The following UNC13B variants were observed in gnomAD, a reference collection of about 807,000 sequenced individuals.
UNC13B encodes the protein unc-13 homolog B, also known as protein unc-13 homolog B.
Under a neutral mutation model 211.0 loss-of-function variants are expected in UNC13B, and 144 were observed. The observed-to-expected ratio is 0.68, with a 90% CI of 0.60 to 0.78. The LOEUF (loss-of-function observed/expected upper bound fraction) is 0.78, where lower values mean the gene tolerates loss of function less well. UNC13B is among the 30% of genes least tolerant of loss of function. The pLI is 0.00. For synonymous variants in UNC13B, 709 were observed against 725.8 expected (o/e 0.98, Z 0.37); for missense variants, 1,777 against 2,002.0 (o/e 0.89, Z 2.14).
chr9:35,389,852 G>A lies in UNC13B; in HGVS notation c.11101G>A (p.Glu3701Lys). ...LYSRQYQLKQELPPEEQGPSI... is the reference protein window; with the variant it reads ...LYSRQYQLKQKLPPEEQGPSI... ...CTGTGTCCTCTGGATCAAGAAGCAG[G>A]AGCTACCTCCAGAGGAACAAGGGCC... The change falls in exon 25 of 40, where the codon GAG (glutamate) becomes AAG (lysine). Residue 3701 changes from glutamate to lysine, a missense_variant. Coordinates refer to ENST00000635942, the MANE Select transcript of UNC13B (RefSeq NM_001371189.2). 6.2e-7 allele frequency: 1 copy of A among 1,614,068 alleles called. No homozygotes were observed. The highest frequency in any genetic ancestry group is 8.5e-7 in the Non-Finnish European group (1 of 1,179,970).
intron 8 of UNC13B, among the ~76,000 whole-genome samples, chr9:35,296,561 T>G (rs1405304225): frequency 6.6e-6 from 1 of 152,126 alleles, no homozygotes; most frequent in Admixed American, 6.5e-5. Flanking sequence ...TATTTATGAG[T>G]ATAAAAGCAA....
intron 24 of UNC13B, among the ~76,000 whole-genome samples, chr9:35,386,984 G>A (rs1035889176): frequency 6.6e-6 from 1 of 152,188 alleles, no homozygotes; most frequent in Non-Finnish European, 1.5e-5. Flanking sequence ...GTTTCTTGCT[G>A]ACCATACATT....
chr9:35,227,918 C>T (rs2131487746), intron 1 of UNC13B, 97 bp from the exon 2 acceptor site: 5 of 1,010,932 alleles, frequency 4.9e-6, no homozygotes, highest in Non-Finnish European at 7.4e-6. Flanking sequence ...ACAATCTAAA[C>T]CTAGTTCTAA....
intron 1 of UNC13B, among the ~76,000 whole-genome samples, chr9:35,199,112 G>T (rs1158154187): frequency 1.3e-5 from 2 of 152,086 alleles, no homozygotes; most frequent in African/African-American, 4.8e-5. Context: ...CTGTCCTCGG[G>T]ATAGTTTGCT....
At chr9:35,182,338 T>C (rs1317717653) in intron 1 of UNC13B, among the ~76,000 whole-genome samples, 4 of 152,102 alleles carry the variant, frequency 2.6e-5, no homozygotes, top group Non-Finnish European at 5.9e-5. Context: ...GCAGTCTTCC[T>C]CAGTCTTCTG....
chr9:35,327,477 C>T (rs1831082064), intron 11 of UNC13B, among the ~76,000 whole-genome samples: 1 of 152,086 alleles, frequency 6.6e-6, no homozygotes. Flanking sequence ...TGTTCAAGGG[C>T]CGGAGAAGAG....
At chr9:35,186,250 C>A (rs1370775702) in intron 1 of UNC13B, among the ~76,000 whole-genome samples, 1 of 152,162 alleles carries the variant, frequency 6.6e-6, no homozygotes, top group Admixed American at 6.5e-5. Context: ...CTCTCTGAAG[C>A]CTGCTACCTG....
intron 26 of UNC13B, among the ~76,000 whole-genome samples, chr9:35,394,595 C>CA (rs1333409863): frequency 1.3e-5 from 2 of 151,548 alleles, no homozygotes; most frequent in Middle Eastern, 3.2e-3. Flanking sequence ...GACTCCATCT[C>CA]AAAAAAAATA....
intron 1 of UNC13B, among the ~76,000 whole-genome samples, chr9:35,168,473 T>C (rs1380178266): frequency 6.6e-6 from 1 of 152,182 alleles, no homozygotes; most frequent in East Asian, 1.9e-4. Flanking sequence ...TGTGTAATTT[T>C]CTCATTGCTG....
chr9:35,380,665 T>A (rs201330701), intron 18 of UNC13B, 26 bp downstream of exon 18: 1 of 1,613,828 alleles, frequency 6.2e-7, no homozygotes, highest in Non-Finnish European at 8.5e-7. Flanking sequence ...CCGAGAAAGT[T>A]GCTTGGAAGG....
intron 6 of UNC13B, among the ~76,000 whole-genome samples, 155 bp from the exon 7 acceptor site, chr9:35,258,838 A>G (rs997350245): frequency 6.6e-6 from 1 of 152,236 alleles, no homozygotes; most frequent in African/African-American, 2.4e-5. Flanking sequence ...TCAACATCAC[A>G]CAGAGAAAAT....
chr9:35,383,601 G>A (rs1441078922), intron 21 of UNC13B, among the ~76,000 whole-genome samples: 1 of 152,090 alleles, frequency 6.6e-6, no homozygotes, highest in Non-Finnish European at 1.5e-5. Flanking sequence ...GGAGTGGGAT[G>A]CCAACATCCT....
chr9:35,384,449 A>T, intron 22 of UNC13B, 135 bp downstream of exon 22: 1 of 1,435,920 alleles, frequency 7.0e-7, no homozygotes, highest in Non-Finnish European at 9.2e-7. Flanking sequence ...CAAATGGCCA[A>T]TGCTACTGAC....
chr9:35,304,134 CG>C lies in UNC13B; in HGVS notation c.4731del (p.Leu1578TrpfsTer37), dbSNP rs1829816849. 1 of 398,568 alleles carries C rather than the reference CG, an allele frequency of 2.5e-6. No individual in the cohort carries two copies. The allele number at this position is 398,568 out of a possible 1,614,324, so 24.7% of individuals were successfully genotyped here. A position where few individuals can be genotyped will look rare whatever the true frequency, so the allele number is the denominator to read the frequency against. On this transcript the variant is annotated frameshift_variant, in exon 9 of 40. Transcript: ENST00000635942. LOFTEE classifies it high-confidence loss of function. ...CAGACAAATGGTCTATCAAGTATTA[CG>C]TTGGATGACAGCATTATTTCTGCCT... The part of the protein sequence containing the change: ...DLQTNGLSSI[T>X]LDDSIISACS...
chr9:35,352,767 A>C (rs1587680574), intron 11 of UNC13B: 6 of 1,232,104 alleles, frequency 4.9e-6, no homozygotes, highest in East Asian at 6.3e-5. Flanking sequence ...GAACTGTCAG[A>C]GAAAAAGGCT....
At chr9:35,238,351 A>G (rs1825626440) in intron 5 of UNC13B, among the ~76,000 whole-genome samples, 1 of 152,132 alleles carries the variant, frequency 6.6e-6, no homozygotes, top group Non-Finnish European at 1.5e-5. Flanking sequence ...CACTGTTAAC[A>G]TTCTTGTATT....
At chr9:35,197,685 T>C (rs2131363521) in intron 1 of UNC13B, among the ~76,000 whole-genome samples, 2 of 152,146 alleles carry the variant, frequency 1.3e-5, no homozygotes, top group African/African-American at 4.8e-5. Flanking sequence ...GGGGCGGACT[T>C]CCCCCTTGCT....
intron 1 of UNC13B, among the ~76,000 whole-genome samples, chr9:35,221,056 T>C (rs1036104464): frequency 6.6e-6 from 1 of 152,136 alleles, no homozygotes; most frequent in Non-Finnish European, 1.5e-5. Flanking sequence ...TGTGTGTCTG[T>C]CTTTTAAATT....
At chr9:35,191,344 C>T (rs1383343343) in intron 1 of UNC13B, among the ~76,000 whole-genome samples, 1 of 152,156 alleles carries the variant, frequency 6.6e-6, no homozygotes, top group East Asian at 1.9e-4. Context: ...CAGACCCAAC[C>T]AACTCCATTT....
Sources: gnomAD v4.1 joint callset for allele counts (sites outside exome capture counted in the v4.1 genomes callset) on GRCh38, gnomAD v4.1.1 for gene constraint, MANE v1.5 for transcripts, NCBI Gene and HGNC (gene_info 2026-07-23, HGNC 2026-07-21) for gene names.